ZNF385D: variants seen among roughly 807,000 people sequenced by gnomAD.
The protein encoded by ZNF385D is zinc finger protein 659.
A neutral mutation model predicts 35.8 loss-of-function variants in ZNF385D; 15 were observed. The observed-to-expected ratio is 0.42, with a 90% CI of 0.28 to 0.64. The LOEUF is 0.64. Among genes scored for constraint, ZNF385D ranks in the 30% least tolerant of loss-of-function variants. ZNF385D has a pLI of 0.23. For missense variants in ZNF385D, 474 were observed against 494.6 expected (o/e 0.96, Z 0.39); for synonymous variants, 212 against 186.8 (o/e 1.13, Z -1.10).
intron 1 of ZNF385D, among the ~76,000 whole-genome samples, chr3:21,743,163 A>G (rs1172468411): frequency 1.3e-5 from 2 of 152,224 alleles, no homozygotes; most frequent in Non-Finnish European, 2.9e-5. Flanking sequence ...CATTTTTCCT[A>G]CTTATCAGTC....
At chr3:21,955,151 T>G (rs933146440) in intron 3 of ZNF385D, among the ~76,000 whole-genome samples, 3 of 152,138 alleles carry the variant, frequency 2.0e-5, no homozygotes, top group Non-Finnish European at 4.4e-5. Context: ...AAAAACTTTA[T>G]AAAATTTCTC....
chr3:21,546,332 G>A (rs2062370875), intron 3 of ZNF385D, among the ~76,000 whole-genome samples: 1 of 151,998 alleles, frequency 6.6e-6, no homozygotes, highest in South Asian at 2.1e-4. Flanking sequence ...TCCGGTGATG[G>A]AATAAATAGT....
intron 3 of ZNF385D, among the ~76,000 whole-genome samples, chr3:21,812,643 G>T (rs563204414): frequency 1.3e-5 from 2 of 152,214 alleles, no homozygotes; most frequent in Admixed American, 1.3e-4. Context: ...CAGCAAGGCT[G>T]GGGGAGGGGA....
intron 3 of ZNF385D, among the ~76,000 whole-genome samples, chr3:21,832,008 C>T (rs761426368): frequency 1.6e-4 from 24 of 152,256 alleles, no homozygotes; most frequent in Middle Eastern, 3.4e-3. Flanking sequence ...AATTAGCTTG[C>T]ATACCACTCC....
intron 3 of ZNF385D, among the ~76,000 whole-genome samples, chr3:21,938,775 TTCAGTACAAAGGCTATTA>T (rs1374436490): frequency 6.6e-6 from 1 of 152,190 alleles, no homozygotes; most frequent in African/African-American, 2.4e-5. Context: ...CTATGTGTAA[TTCAGTACAAAGGCTATTA>T]TCCCACAAAG....
chr3:21,635,462 A>G (rs2125844718), intron 2 of ZNF385D, among the ~76,000 whole-genome samples: 1 of 152,172 alleles, frequency 6.6e-6, no homozygotes, highest in East Asian at 1.9e-4. Flanking sequence ...AGTGACCTGG[A>G]CCAAACTTCA....
chr3:22,184,777 G>C (rs577189322), intron 2 of ZNF385D, among the ~76,000 whole-genome samples: 1 of 152,086 alleles, frequency 6.6e-6, no homozygotes, highest in Admixed American at 6.6e-5. Context: ...ACTCCAGCCC[G>C]GGTGACAAGA....
At chr3:21,859,929 C>T (rs1208196077) in intron 3 of ZNF385D, among the ~76,000 whole-genome samples, 2 of 152,034 alleles carry the variant, frequency 1.3e-5, no homozygotes, top group South Asian at 2.1e-4. Context: ...GAGGATGTCA[C>T]GCTCTGCATC....
intron 3 of ZNF385D, among the ~76,000 whole-genome samples, chr3:21,822,131 G>A (rs958225902): frequency 3.3e-5 from 5 of 151,880 alleles, no homozygotes; most frequent in African/African-American, 4.8e-5. Context: ...GAGTGCAGTC[G>A]TGTGATCTTG....
At chr3:22,183,248 G>T (rs958891905) in intron 2 of ZNF385D, among the ~76,000 whole-genome samples, 2 of 151,964 alleles carry the variant, frequency 1.3e-5, no homozygotes, top group African/African-American at 4.8e-5. Context: ...ATCTAACTCG[G>T]GTAGTTAAAA....
intron 3 of ZNF385D, among the ~76,000 whole-genome samples, chr3:22,022,875 G>C (rs924658312): frequency 6.6e-6 from 1 of 152,096 alleles, no homozygotes; most frequent in Non-Finnish European, 1.5e-5. Flanking sequence ...AGTCCACTTT[G>C]GCTTGTTTCT....
intron 3 of ZNF385D, among the ~76,000 whole-genome samples, chr3:21,957,949 C>G (rs1353743405): frequency 6.6e-6 from 1 of 151,772 alleles, no homozygotes; most frequent in Non-Finnish European, 1.5e-5. Flanking sequence ...TTCAGAAAAA[C>G]AGACAGTACT....
At chr3:22,099,513 T>A (rs1701812668) in intron 3 of ZNF385D, among the ~76,000 whole-genome samples, 1 of 152,086 alleles carries the variant, frequency 6.6e-6, no homozygotes, top group South Asian at 2.1e-4. Flanking sequence ...TAACTAGATT[T>A]ATCCAGAGAG....
chr3:22,293,608 C>T (rs367602403), intron 2 of ZNF385D, among the ~76,000 whole-genome samples: 9 of 152,180 alleles, frequency 5.9e-5, no homozygotes, highest in African/African-American at 1.4e-4. Context: ...TGACATCACA[C>T]ATTATATTTT....
At chr3:21,780,005 A>C (rs1187917263) in intron 3 of ZNF385D, among the ~76,000 whole-genome samples, 2 of 151,994 alleles carry the variant, frequency 1.3e-5, no homozygotes, top group African/African-American at 4.8e-5. Context: ...CAAAGAATAA[A>C]GCAAGATGGG....
At chr3:21,724,239 T>C (rs1454919188) in intron 1 of ZNF385D, among the ~76,000 whole-genome samples, 2 of 151,684 alleles carry the variant, frequency 1.3e-5, no homozygotes, top group East Asian at 1.9e-4. Context: ...AGGAACTGCA[T>C]CAACTAATGG....
At chr3:22,372,362 C>T in intron 2 of ZNF385D, 1 of 874,042 alleles carries the variant, frequency 1.1e-6, no homozygotes, top group Non-Finnish European at 1.4e-6. Context: ...GCCTGGTATC[C>T]CGCAGGGGCG....
intron 2 of ZNF385D, among the ~76,000 whole-genome samples, chr3:22,299,887 C>T (rs945479548): frequency 1.3e-5 from 2 of 151,780 alleles, no homozygotes; most frequent in African/African-American, 4.8e-5. Flanking sequence ...TGTTCATATA[C>T]CCAAAGCAAT....
intron 3 of ZNF385D, among the ~76,000 whole-genome samples, chr3:21,983,664 A>C (rs1379488023): frequency 4.3e-5 from 4 of 94,090 alleles, no homozygotes; most frequent in East Asian, 3.3e-4. Context: ...ATTTATAGTC[A>C]TTTGGGTATA....
Sources: gnomAD v4.1 joint callset for allele counts (sites outside exome capture counted in the v4.1 genomes callset) on GRCh38, gnomAD v4.1.1 for gene constraint, MANE v1.5 for transcripts, NCBI Gene and HGNC (gene_info 2026-07-23, HGNC 2026-07-21) for gene names.